STXBP2: variants seen among roughly 807,000 people sequenced by gnomAD.
The protein encoded by STXBP2 is syntaxin binding protein 2.
A neutral mutation model predicts 72.2 loss-of-function variants in STXBP2; 47 were observed. The ratio of observed to expected loss-of-function variants is 0.65; its 90% confidence interval spans 0.51 to 0.83. STXBP2 has a LOEUF of 0.83. Among genes scored for constraint, STXBP2 ranks in the 40% least tolerant of loss-of-function variants. The pLI is 0.00. For synonymous variants in STXBP2, 367 were observed against 338.7 expected, an observed-to-expected ratio of 1.08 and a Z score of -0.92; for missense variants, 702 against 807.6, an observed-to-expected ratio of 0.87 and a Z score of 1.58.
chr19:7,639,263 C>T (rs959430539), intron 3 of STXBP2, 163 bp downstream of exon 3: 1 of 791,960 alleles, frequency 1.3e-6, no homozygotes, highest in Non-Finnish European at 2.1e-6. Flanking sequence ...TGACCAAATC[C>T]ATTCTTAAAC....
chr19:7,641,613 G>A (rs1490737604), intron 6 of STXBP2, 92 bp from the exon 7 acceptor site: 2 of 1,517,782 alleles, frequency 1.3e-6, no homozygotes, highest in Non-Finnish European at 1.8e-6. Flanking sequence ...ACCAGGGACG[G>A]CTCCCAGGAG....
chr19:7,635,706 AAAAC>A (rs1250173132), upstream of STXBP2, among the ~76,000 whole-genome samples: 5 of 152,158 alleles, frequency 3.3e-5, no homozygotes, highest in African/African-American at 4.8e-5. Context: ...TTACAAAACA[AAAAC>A]AAACAAAAAT....
chr19:7,640,855 G>T lies in STXBP2; in HGVS notation c.326-45G>T, dbSNP rs368158582. On this transcript the variant is annotated intron_variant, in intron 5 of 18. Transcript: ENST00000221283. ...GTGTTGGTGGGTGGGGCAAGGAGGT[G>T]TGGGGGCTGCTCTGGCCTGATGCCC... The T allele has an allele frequency of 9.3e-6, 15 of 1,613,822 alleles. No homozygotes were observed. In the African/African-American group the frequency reaches 1.1e-4, roughly 11 times the overall value.
At chr19:7,641,093 A>G in intron 6 of STXBP2, 90 bp downstream of exon 6, 1 of 1,365,600 alleles carries the variant, frequency 7.3e-7, no homozygotes, top group South Asian at 1.2e-5. Flanking sequence ...GGCTGGGCGC[A>G]GTGGCTCATA....
At position 7,638,723 on chromosome 19, in the gene STXBP2, C is replaced by A. The variant is rs774409953; in HGVS notation, c.38-3C>A. ...TCTGACCCCTCCCCTCCCTTCCCTG[C>A]AGAAATTCTGAGCGGAGTTATTCGG... On this transcript the variant is annotated splice_region_variant and splice_polypyrimidine_tract_variant and intron_variant, in intron 1 of 18. Coordinates refer to ENST00000221283, the MANE Select transcript of STXBP2 (RefSeq NM_006949.4). 4.3e-6 allele frequency: 7 copies of A among 1,614,000 alleles called. No homozygotes were observed. Among genetic ancestry groups the A allele is most frequent in the Non-Finnish European group, 5.9e-6 (7 of 1,180,030 alleles).
chr19:7,641,077 C>T, intron 6 of STXBP2, 74 bp downstream of exon 6: 2 of 1,498,750 alleles, frequency 1.3e-6, no homozygotes, highest in Non-Finnish European at 1.8e-6. Context: ...CAGAAACAGA[C>T]ACTGAGGCTG....
At chr19:7,641,673 A>C (rs1172506223) in intron 6 of STXBP2, 32 bp from the exon 7 acceptor site, 1 of 1,550,206 alleles carries the variant, frequency 6.5e-7, no homozygotes, top group South Asian at 1.2e-5. Flanking sequence ...CTGCAGCGGC[A>C]ACCCTGGTGC....
upstream of STXBP2, chr19:7,633,261 G>A: frequency 1.1e-6 from 1 of 875,998 alleles, no homozygotes; most frequent in Non-Finnish European, 1.7e-6. Flanking sequence ...AGACCCCCAA[G>A]CCCACCAGCC....
intron 1 of STXBP2, 60 bp from the exon 2 acceptor site, chr19:7,638,666 T>C (rs755467273): frequency 6.3e-7 from 1 of 1,590,582 alleles, no homozygotes; most frequent in Non-Finnish European, 8.6e-7. Context: ...CTGAGAAGGC[T>C]TGGGGCAGTG....
chr19:7,632,427 C>T (rs375915925), upstream of STXBP2: 1 of 1,613,878 alleles, frequency 6.2e-7, no homozygotes, highest in African/African-American at 1.3e-5. The surrounding 1 kb of genome is among the most constrained non-coding windows in gnomAD (Gnocchi z 5.2). Flanking sequence ...GGGCAGGCTG[C>T]TGACTGTCAC....
At chr19:7,646,200 A>G (rs771688749) in intron 15 of STXBP2, 49 bp from the exon 16 acceptor site, 94 of 1,520,040 alleles carry the variant, frequency 6.2e-5, no homozygotes, top group Non-Finnish European at 7.3e-5. Context: ...CTCTGTGACC[A>G]GCCTCCTTCC....
intron 4 of STXBP2, 118 bp from the exon 5 acceptor site, chr19:7,640,613 A>G: frequency 1.5e-6 from 2 of 1,333,612 alleles, no homozygotes; most frequent in Non-Finnish European, 1.1e-6. Context: ...GCACATATAC[A>G]TGTCCCCGTC....
chr19:7,647,190 A>C lies in STXBP2; in HGVS notation c.1481A>C (p.Asn494Thr), dbSNP rs1197928359. 4 of 1,611,778 alleles carry C rather than the reference A, an allele frequency of 2.5e-6. No individual in the cohort carries two copies. Among genetic ancestry groups the C allele is most frequent in the Non-Finnish European group, 3.4e-6 (4 of 1,179,844 alleles). The change falls in exon 17 of 19, where the codon AAC becomes ACC. Residue 494 changes from asparagine (N) to threonine (T), a missense_variant. Transcript: ENST00000221283. Reference protein sequence around the residue: ...EDAVEDRLDRNLWPFVSDPAP... With the variant: ...EDAVEDRLDRTLWPFVSDPAP... ...GCCGTGGAGGACCGGCTGGACAGGA[A>C]CCTGTGGCCCTTCGTATCCGACCCC... is the stretch of plus-strand genomic sequence containing the variant.
chr19:7,640,419 T>TGC (rs374557781), intron 4 of STXBP2: 29 of 626,964 alleles, frequency 4.6e-5, no homozygotes, highest in African/African-American at 3.0e-4. Context: ...TATGTATGTG[T>TGC]GCGCGCGCAT....
At chr19:7,634,917 C>T (rs2031468509), upstream of STXBP2, among the ~76,000 whole-genome samples, 1 of 152,080 alleles carries the variant, frequency 6.6e-6, no homozygotes, top group South Asian at 2.1e-4. Flanking sequence ...TACCCATTTC[C>T]CCACCCCCCC....
the STXBP2 span, chr19:7,631,708 G>C: frequency 4.3e-5 from 62 of 1,453,318 alleles, no homozygotes; most frequent in East Asian, 1.1e-3. Flanking sequence ...TTGTGTCGGG[G>C]GCTGGGGGCT....
At chr19:7,644,990 G>A (rs533104665) in intron 14 of STXBP2, 67 of 1,446,642 alleles carry the variant, frequency 4.6e-5, no homozygotes, top group Non-Finnish European at 5.8e-5. Flanking sequence ...TATAGATGTG[G>A]GGCTCCCTCA....
chr19:7,643,109 C>T (rs1409646082), intron 12 of STXBP2, 56 bp from the exon 13 acceptor site: 9 of 1,613,582 alleles, frequency 5.6e-6, no homozygotes, highest in South Asian at 3.3e-5. Context: ...GCTCTGTCTG[C>T]GTTCTGCCTT....
chr19:7,643,072 G>T (rs761675784), intron 12 of STXBP2, 24 bp downstream of exon 12: 8 of 1,614,150 alleles, frequency 5.0e-6, no homozygotes, highest in Middle Eastern at 1.6e-4. Context: ...GGCAGGGAGC[G>T]GGGACACCTC....
Sources: gnomAD v4.1 joint callset for allele counts (sites outside exome capture counted in the v4.1 genomes callset) on GRCh38, gnomAD v4.1.1 for gene constraint, Gnocchi (gnomAD v3.1) non-coding constraint, MANE v1.5 for transcripts, NCBI Gene and HGNC (gene_info 2026-07-23, HGNC 2026-07-21) for gene names.